Variants in CWC22 observed in about 807,000 individuals in gnomAD.
The protein encoded by CWC22 is pre-mRNA-splicing factor CWC22 homolog.
A neutral mutation model predicts 117.2 loss-of-function variants in CWC22; 53 were observed. That is an observed-to-expected ratio of 0.45 (90% confidence interval 0.36 to 0.57). The LOEUF is 0.57. Ranked by LOEUF, CWC22 falls within the 20% of genes least tolerant of loss-of-function variation. CWC22 has a pLI of 0.00. For missense variants in CWC22, 980 were observed against 1,068.8 expected (o/e 0.92, Z 1.16); for synonymous variants, 360 against 355.6 (o/e 1.01, Z -0.14).
At chr2:180,005,579 C>T (rs1450032823) in intron 1 of CWC22, among the ~76,000 whole-genome samples, 1 of 151,476 alleles carries the variant, frequency 6.6e-6, no homozygotes, top group Admixed American at 6.6e-5. Context: ...CCGTCTCAAA[C>T]AAAACAAAAC....
chr2:179,980,093 G>A (rs1364979971), intron 5 of CWC22, among the ~76,000 whole-genome samples: 1 of 152,292 alleles, frequency 6.6e-6, no homozygotes, highest in East Asian at 1.9e-4. Flanking sequence ...GACTTGGACT[G>A]ACAAAGTTTC....
intron 14 of CWC22, among the ~76,000 whole-genome samples, chr2:179,957,648 C>T (rs1221494444): frequency 2.6e-5 from 4 of 152,052 alleles, no homozygotes; most frequent in African/African-American, 7.2e-5. Context: ...AACTTAGCTC[C>T]GATAATCAAG....
chr2:179,970,383 T>C (rs1451795761), intron 11 of CWC22, 118 bp downstream of exon 11: 1 of 1,095,746 alleles, frequency 9.1e-7, no homozygotes, highest in Admixed American at 3.0e-5. Flanking sequence ...AGAGAATAAC[T>C]TTATAAGAGC....
intron 3 of CWC22, 38 bp from the exon 4 acceptor site, chr2:179,986,843 A>T: frequency 8.8e-7 from 1 of 1,133,940 alleles, no homozygotes; most frequent in Non-Finnish European, 1.3e-6. Context: ...CAAATTAAAA[A>T]CAACTATGTT....
intron 1 of CWC22, among the ~76,000 whole-genome samples, chr2:180,001,157 T>C (rs533120829): frequency 2.2e-3 from 331 of 152,244 alleles, no homozygotes; most frequent in African/African-American, 7.3e-3. Flanking sequence ...TTTAAGTTGG[T>C]TTTAAAGAAA....
Position 179,954,898 on chromosome 2 carries a change from GA to G in CWC22, c.1536+58del. The G allele has an allele frequency of 4.9e-6, 5 of 1,025,302 alleles. No individual in the cohort carries two copies. The Admixed American group carries it at 1.0e-4, about 21-fold the overall frequency. The allele number at this position is 1,025,302 out of a possible 1,614,324, so 63.5% of individuals were successfully genotyped here. A position where few individuals can be genotyped will look rare whatever the true frequency, so the allele number is the denominator to read the frequency against. ...TTAAATGAGACCAGACCATAAAGCA[GA>G]AATCATTAATTTACAATATTCGTTT... On this transcript the variant is annotated intron_variant, in intron 15 of 19. Transcript: ENST00000410053.
chr2:179,949,802 A>G (rs1386388550), intron 19 of CWC22, among the ~76,000 whole-genome samples: 2 of 152,252 alleles, frequency 1.3e-5, no homozygotes, highest in Non-Finnish European at 2.9e-5. Context: ...TGGTATATTC[A>G]TATAGTAGGA....
chr2:180,007,274 A>G lies in CWC22; in HGVS notation c.-521T>C, dbSNP rs543471794. ...ATCCAGGCACACTGTCTTGTTGCCA[A>G]AATGGCGACAAAAAAGAGAAGTTGG... On this transcript the variant is annotated 5_prime_UTR_variant, in exon 1 of 20. Transcript: ENST00000410053. Among the ~76,000 whole-genome samples the G allele has an allele frequency of 6.6e-6, 1 of 152,374 alleles. No homozygotes were observed. Among genetic ancestry groups the G allele is most frequent in the South Asian group, 2.1e-4 (1 of 4,832 alleles).
intron 7 of CWC22, 61 bp from the exon 8 acceptor site, chr2:179,973,307 A>C: frequency 8.7e-7 from 1 of 1,155,734 alleles, no homozygotes; most frequent in Non-Finnish European, 1.3e-6. Flanking sequence ...TTATTTACAT[A>C]ATCTATGGCC....
chr2:179,983,746 AG>A, intron 4 of CWC22, among the ~76,000 whole-genome samples: 1 of 152,236 alleles, frequency 6.6e-6, no homozygotes, highest in East Asian at 1.9e-4. Context: ...TGGGGGAAAG[AG>A]TGATTTCAAA....
Position 179,945,271 on chromosome 2 carries a change from G to C in CWC22, c.2585C>G (p.Ser862Ter), listed in dbSNP as rs763645454. Residue 862 changes from serine (S) to a stop codon, truncating the protein, a stop_gained, in exon 20 of 20, where the codon TCA (serine) becomes TGA (stop). Coordinates refer to ENST00000410053, the MANE Select transcript of CWC22 (RefSeq NM_020943.3). LOFTEE classifies it high-confidence loss of function. ...TCTATCTTCATCACTTCTTGAGCCT[G>C]AGTGCTTTCTATTCATTTCCTTTGA... The part of the protein sequence containing the change: ...SKSKEMNRKH[S>*]GSRSDEDRYQ... 1 of 1,613,684 alleles carries C rather than the reference G, an allele frequency of 6.2e-7. No individual in the cohort carries two copies. Among genetic ancestry groups the C allele is most frequent in the Non-Finnish European group, 8.5e-7 (1 of 1,179,796 alleles).
chr2:179,954,882 AC>A, intron 15 of CWC22, 74 bp downstream of exon 15: 1 of 914,494 alleles, frequency 1.1e-6, no homozygotes. Context: ...TTTAAATGAG[AC>A]CAGACCATAA....
chr2:179,982,662 T>C (rs1419693976), intron 4 of CWC22, among the ~76,000 whole-genome samples: 1 of 152,136 alleles, frequency 6.6e-6, no homozygotes, highest in Admixed American at 6.6e-5. Flanking sequence ...TGAGACAATG[T>C]GGGGGGAAAA....
At chr2:179,948,650 T>C (rs1686369451) in intron 19 of CWC22, among the ~76,000 whole-genome samples, 1 of 152,160 alleles carries the variant, frequency 6.6e-6, no homozygotes, top group Non-Finnish European at 1.5e-5. Flanking sequence ...AAATGTCTAA[T>C]CTCATTCTAA....
intron 6 of CWC22, among the ~76,000 whole-genome samples, 152 bp downstream of exon 6, chr2:179,978,038 T>A (rs1687193648): frequency 6.6e-6 from 1 of 152,184 alleles, no homozygotes; most frequent in African/African-American, 2.4e-5. Flanking sequence ...CTTAGCAGTC[T>A]ATATTTTTAT....
At chr2:179,955,482 A>G (rs1305706033) in intron 14 of CWC22, among the ~76,000 whole-genome samples, 2 of 152,038 alleles carry the variant, frequency 1.3e-5, no homozygotes, top group Non-Finnish European at 2.9e-5. Context: ...GAAAAGGCAG[A>G]TCATTATTAG....
At chr2:179,991,068 G>C (rs941512067) in intron 2 of CWC22, among the ~76,000 whole-genome samples, 1 of 152,156 alleles carries the variant, frequency 6.6e-6, no homozygotes, top group African/African-American at 2.4e-5. Context: ...TATACAGTCA[G>C]AATTACCTTT....
At chr2:179,967,236 G>C (rs1172759793) in intron 11 of CWC22, among the ~76,000 whole-genome samples, 1 of 152,152 alleles carries the variant, frequency 6.6e-6, no homozygotes, top group Admixed American at 6.5e-5. Context: ...TTTTATGCCA[G>C]CTCTAGAAGA....
intron 13 of CWC22, among the ~76,000 whole-genome samples, chr2:179,961,649 G>C (rs1018513097): frequency 1.3e-5 from 2 of 151,854 alleles, no homozygotes; most frequent in African/African-American, 2.4e-5. Flanking sequence ...AAAAACAGTC[G>C]AGTAGTTGAT....
Sources: gnomAD v4.1 joint callset for allele counts (sites outside exome capture counted in the v4.1 genomes callset) on GRCh38, gnomAD v4.1.1 for gene constraint, MANE v1.5 for transcripts, NCBI Gene and HGNC (gene_info 2026-07-23, HGNC 2026-07-21) for gene names.